The following DOCK5 variants were observed in gnomAD, a reference collection of about 807,000 sequenced individuals.
The protein encoded by DOCK5 is dedicator of cytokinesis 5.
Under a neutral mutation model 251.8 loss-of-function variants are expected in DOCK5, and 142 were observed. That is an observed-to-expected ratio of 0.56 (90% CI 0.49 to 0.65). The LOEUF (loss-of-function observed/expected upper bound fraction) is 0.65, where lower values mean the gene tolerates loss of function less well. Among genes scored for constraint, DOCK5 ranks in the 30% least tolerant of loss-of-function variants. The probability of loss-of-function intolerance (pLI) is 0.00; values close to 1 mark genes in which losing one functional copy is unlikely to be tolerated. For synonymous variants in DOCK5, 842 were observed against 835.5 expected (o/e 1.01, Z -0.13); for missense variants, 2,111 against 2,312.3 (o/e 0.91, Z 1.79).
At chr8:25,195,236 C>A (rs554952594) in intron 1 of DOCK5, among the ~76,000 whole-genome samples, 1 of 147,482 alleles carries the variant, frequency 6.8e-6, no homozygotes, top group African/African-American at 2.5e-5. Context: ...GGTCTTCTAA[C>A]TGGACTCCTT....
chr8:25,358,795 C>T (rs1272436066), intron 27 of DOCK5, among the ~76,000 whole-genome samples, 168 bp from the exon 28 acceptor site: 2 of 152,138 alleles, frequency 1.3e-5, no homozygotes, highest in Non-Finnish European at 1.5e-5. Context: ...AAGCAGAAAC[C>T]GCAAAGCACG....
intron 22 of DOCK5, among the ~76,000 whole-genome samples, chr8:25,338,481 T>A (rs1457868122): frequency 6.6e-6 from 1 of 152,234 alleles, no homozygotes; most frequent in Non-Finnish European, 1.5e-5. Flanking sequence ...TTTGAATTTT[T>A]AAATGAATAT....
rs187556130 is a variant in DOCK5 at position 25,259,101 on chromosome 8, C to G, written c.128-9744C>G. Among the ~76,000 whole-genome samples, 465 of 152,252 alleles carry G rather than the reference C, an allele frequency of 3.1e-3. 4 individuals are homozygous for G. Among genetic ancestry groups the G allele is most frequent in the African/African-American group, 0.011 (441 of 41,548 alleles). On this transcript the variant is annotated intron_variant, in intron 2 of 51. Coordinates refer to ENST00000276440, the MANE Select transcript of DOCK5 (RefSeq NM_024940.8). ...TGCCACTGTACGCCAGTCTGGGTGA[C>G]AGAGCGAGACTCTGTCTCAAAGAAT...
At chr8:25,292,313 C>T (rs1417960447) in intron 6 of DOCK5, 141 bp downstream of exon 6, 2 of 1,061,086 alleles carry the variant, frequency 1.9e-6, no homozygotes, top group African/African-American at 1.6e-5. Flanking sequence ...TCTTTGAAGA[C>T]ATTTAATTTT....
intron 1 of DOCK5, among the ~76,000 whole-genome samples, chr8:25,229,050 G>C (rs1197515817): frequency 1.4e-5 from 2 of 145,172 alleles, no homozygotes; most frequent in Admixed American, 7.0e-5. Flanking sequence ...GGGCAACGTA[G>C]TAAGACCTCA....
rs373293344 is a variant in DOCK5, at chr8:25,372,798, C to T, written c.3684+80C>T. ...CCTACAGCTCAGCTCTAGGTAGATC[C>T]CACAAACACAGAGGCGCCCTGAGGC... On this transcript the variant is annotated intron_variant, in intron 35 of 51. Transcript: ENST00000276440. 6.7e-5 allele frequency: 95 copies of T among 1,417,082 alleles called. No individual in the cohort carries two copies. In the African/African-American group the frequency reaches 1.1e-3, roughly 17 times the overall value. 87.8% of individuals were successfully genotyped at this position (1,417,082 alleles called of 1,614,324 possible).
chr8:25,198,191 T>C (rs1214835367), intron 1 of DOCK5, among the ~76,000 whole-genome samples: 3 of 152,318 alleles, frequency 2.0e-5, no homozygotes, highest in Non-Finnish European at 2.9e-5. Flanking sequence ...CTGCAACAAG[T>C]TGCATCGTAT....
chr8:25,186,641 AGT>A (rs1448058710), intron 1 of DOCK5, among the ~76,000 whole-genome samples: 1 of 152,068 alleles, frequency 6.6e-6, no homozygotes, highest in Admixed American at 6.6e-5. Flanking sequence ...GGCCTCCCAA[AGT>A]GTTGGGATTA....
Position 25,211,259 on chromosome 8 carries a change from T to G in DOCK5, c.43+26308T>G, listed in dbSNP as rs1239848454. On this transcript the variant is annotated intron_variant, in intron 1 of 51. Coordinates refer to ENST00000276440, the MANE Select transcript of DOCK5 (RefSeq NM_024940.8). ...TAAGAGAAGCACAGAAAGTGCCAAATAGAGTTTCAGGAGAGGAAGTGAGTA... is the reference window on the plus strand; with the variant it reads ...TAAGAGAAGCACAGAAAGTGCCAAAGAGAGTTTCAGGAGAGGAAGTGAGTA... Among the ~76,000 whole-genome samples the G allele has an allele frequency of 5.7e-5, 4 of 70,198 alleles. 1 individual carries two copies. Among genetic ancestry groups the G allele is most frequent in the African/African-American group, 1.3e-4 (4 of 30,792 alleles). 46.1% of individuals were successfully genotyped at this position (70,198 alleles called of 152,430 possible). A position where few individuals can be genotyped will look rare whatever the true frequency, so the allele number is the denominator to read the frequency against.
intron 5 of DOCK5, among the ~76,000 whole-genome samples, chr8:25,280,792 G>T (rs1318032060): frequency 1.3e-5 from 2 of 152,144 alleles, no homozygotes; most frequent in East Asian, 3.9e-4. Context: ...GGCCTTCATT[G>T]ATCATCTTGC....
chr8:25,313,196 C>T (rs1381261681), intron 13 of DOCK5, among the ~76,000 whole-genome samples: 4 of 152,114 alleles, frequency 2.6e-5, no homozygotes, highest in African/African-American at 9.7e-5. Context: ...CCTGTACCCC[C>T]TTGCCCTCTA....
chr8:25,410,416 T>G (rs1190815151), intron 51 of DOCK5, among the ~76,000 whole-genome samples: 1 of 151,938 alleles, frequency 6.6e-6, no homozygotes, highest in Non-Finnish European at 1.5e-5. Flanking sequence ...AGGTGTTCTC[T>G]GTACCTCGTC....
intron 26 of DOCK5, among the ~76,000 whole-genome samples, chr8:25,350,763 C>A (rs2117248227): frequency 6.6e-6 from 1 of 152,286 alleles, no homozygotes; most frequent in South Asian, 2.1e-4. Context: ...AGATCCACAT[C>A]TGTGATACTC....
At chr8:25,278,688 G>A (rs770763385) in intron 5 of DOCK5, 23 bp downstream of exon 5, 36 of 1,609,260 alleles carry the variant, frequency 2.2e-5, no homozygotes, top group Non-Finnish European at 2.6e-5. Context: ...TTGTGGCTTG[G>A]AGCCCCAGGG....
In DOCK5 at chr8:25,351,703, A is replaced by G. The variant is rs373944944; in HGVS notation, c.2755-28A>G. Reference sequence around the variant, plus strand: ...AGAAAGTGAAACTGAGTCAGAAGGAATGGAGTCAAATCCTGTGTTCCCTGC... The same window carrying G: ...AGAAAGTGAAACTGAGTCAGAAGGAGTGGAGTCAAATCCTGTGTTCCCTGC... On this transcript the variant is annotated intron_variant, in intron 26 of 51. Transcript: ENST00000276440. 5.7e-6 allele frequency: 9 copies of G among 1,577,850 alleles called. No individual in the cohort carries two copies. The African/African-American group carries it at 1.1e-4, about 19-fold the overall frequency.
intron 2 of DOCK5, among the ~76,000 whole-genome samples, chr8:25,260,350 G>GC (rs1310441804): frequency 8.0e-5 from 12 of 149,478 alleles, no homozygotes; most frequent in South Asian, 4.3e-4. Context: ...CTGGGGTGCC[G>GC]CCCACCCCCG....
intron 7 of DOCK5, among the ~76,000 whole-genome samples, chr8:25,297,858 C>T (rs1463704103): frequency 6.6e-6 from 1 of 151,744 alleles, no homozygotes; most frequent in East Asian, 1.9e-4. Flanking sequence ...ACCAACTGGG[C>T]AAATAGTGAC....
intron 1 of DOCK5, among the ~76,000 whole-genome samples, chr8:25,221,450 A>G (rs1201668330): frequency 6.6e-6 from 1 of 152,146 alleles, no homozygotes; most frequent in East Asian, 1.9e-4. Flanking sequence ...CCGGGATTAC[A>G]GGCGCCCGCC....
chr8:25,400,071 A>T (rs1801411597), intron 46 of DOCK5, 77 bp downstream of exon 46: 1 of 1,143,064 alleles, frequency 8.7e-7, no homozygotes, highest in Admixed American at 2.1e-5. Flanking sequence ...GCTTAAGTCT[A>T]CAAGCCCACT....
Sources: allele counts gnomAD v4.1 joint callset (sites outside exome capture counted in the v4.1 genomes callset), GRCh38; gene constraint gnomAD v4.1.1; transcripts MANE v1.5; gene names NCBI Gene and HGNC (gene_info 2026-07-23, HGNC 2026-07-21).